SUPT5H: variants seen among roughly 807,000 people sequenced by gnomAD.
SUPT5H encodes transcription elongation factor SPT5.
SUPT5H carries 24 observed loss-of-function variants against 142.5 expected under a neutral mutation model. The observed-to-expected ratio is 0.17, with a 90% CI of 0.12 to 0.24. The LOEUF is 0.24. SUPT5H is among the 10% of genes least tolerant of loss of function. SUPT5H has a pLI of 1.00. For synonymous variants in SUPT5H, 546 were observed against 553.0 expected (o/e 0.99, Z 0.18); for missense variants, 893 against 1,471.8 (o/e 0.61, Z 6.43).
At position 39,472,715 on chromosome 19, in the gene SUPT5H, T is replaced by C; in HGVS notation, c.2036-95T>C. The C allele has an allele frequency of 1.3e-6, 2 of 1,504,036 alleles. No homozygotes were observed. Among genetic ancestry groups the C allele is most frequent in the Non-Finnish European group, 1.8e-6 (2 of 1,122,162 alleles). 93.2% of individuals were successfully genotyped at this position (1,504,036 alleles called of 1,614,324 possible). ...GGGCAGAGGAGGCTCTTAACCCAAG[T>C]AGGGAGGAGTCAAGCAAGTGAAGGG... is the stretch of plus-strand genomic sequence containing the variant. On this transcript the variant is annotated intron_variant, in intron 21 of 29. Transcript: ENST00000432763. The surrounding 1 kb of genome is among the most constrained non-coding windows in gnomAD (Gnocchi z 4.2).
In SUPT5H at chr19:39,472,646, C is replaced by T. The variant is rs1427439806; in HGVS notation, c.2035+153C>T. 6.6e-6 allele frequency among the ~76,000 whole-genome samples: 1 copy of T among 152,098 alleles called. No individual in the cohort carries two copies. Among genetic ancestry groups the T allele is most frequent in the Non-Finnish European group, 1.5e-5 (1 of 67,988 alleles). Reference sequence around the variant, plus strand: ...GGAGGGTAGACGCCACAGTGACAGCCCAGAATGGTCAGGGCTTCCATAGGA... The same window carrying T: ...GGAGGGTAGACGCCACAGTGACAGCTCAGAATGGTCAGGGCTTCCATAGGA... On this transcript the variant is annotated intron_variant, in intron 21 of 29. Coordinates refer to ENST00000432763, the MANE Select transcript of SUPT5H (RefSeq NM_001111020.3). The surrounding 1 kb of genome is among the most constrained non-coding windows in gnomAD (Gnocchi z 4.2).
chr19:39,446,332 G>T (rs1600688778), intron 2 of SUPT5H, among the ~76,000 whole-genome samples: 2 of 152,098 alleles, frequency 1.3e-5, no homozygotes, highest in South Asian at 2.1e-4. Context: ...TAAACAAAAA[G>T]ATTTTAAAAA....
chr19:39,463,309 T>C (rs73551815), intron 10 of SUPT5H, among the ~76,000 whole-genome samples: 2,366 of 152,134 alleles, frequency 0.016, 53 homozygotes, highest in African/African-American at 0.055. Flanking sequence ...GCCTTTTTTT[T>C]CTTTTAGTTG....
chr19:39,465,268 T>G (rs909555544), intron 11 of SUPT5H, among the ~76,000 whole-genome samples: 11 of 152,118 alleles, frequency 7.2e-5, no homozygotes, highest in Non-Finnish European at 1.3e-4. Flanking sequence ...TCGGAGGGCG[T>G]GAGGCATGTG....
intron 3 of SUPT5H, among the ~76,000 whole-genome samples, chr19:39,456,409 TG>T (rs111789041): frequency 0.59 from 86,135 of 146,076 alleles, 26,173 homozygotes; most frequent in African/African-American, 0.74. Context: ...TGTTTTTTTT[TG>T]TTGTTGTTGT....
intron 10 of SUPT5H, among the ~76,000 whole-genome samples, chr19:39,463,811 G>T (rs1435905497): frequency 1.3e-5 from 2 of 152,020 alleles, no homozygotes; most frequent in Non-Finnish European, 2.9e-5. Flanking sequence ...ATTAGTTTCT[G>T]CTTCATGTAT....
intron 13 of SUPT5H, chr19:39,468,258 C>G (rs1279629016): frequency 6.2e-6 from 1 of 160,370 alleles, no homozygotes; most frequent in African/African-American, 2.4e-5. Flanking sequence ...CCTGCATTCC[C>G]TCACCTGGAA....
At chr19:39,467,051 A>G in intron 13 of SUPT5H, 1 of 221,132 alleles carries the variant, frequency 4.5e-6, no homozygotes, top group Non-Finnish European at 8.9e-6. Flanking sequence ...TTAAAATAAT[A>G]ATAATAATAA....
At position 39,458,564 on chromosome 19, in the gene SUPT5H, G is replaced by A; in HGVS notation, c.320-254G>A. On this transcript the variant is annotated intron_variant, in intron 5 of 29. Transcript: ENST00000432763. This position sits in a 1 kb window ranked among gnomAD's most constrained non-coding sequence, Gnocchi z 4.2. ...GATGTGTGGGGTGGGGTGCAGTCCA[G>A]GGTGTGCCTGGACTTTGAGATGGGA... 1 of 743,942 alleles carries A rather than the reference G, an allele frequency of 1.3e-6. No individual in the cohort carries two copies. Among genetic ancestry groups the A allele is most frequent in the Non-Finnish European group, 2.2e-6 (1 of 460,758 alleles). The allele number at this position is 743,942 out of a possible 1,614,324, so 46.1% of individuals were successfully genotyped here.
chr19:39,474,722 C>T lies in SUPT5H; in HGVS notation c.3024+4C>T, dbSNP rs140094562. On this transcript the variant is annotated splice_donor_region_variant and intron_variant, in intron 28 of 29. Transcript: ENST00000432763. This position sits in a 1 kb window ranked among gnomAD's most constrained non-coding sequence, Gnocchi z 6.5. The stretch of plus-strand genomic sequence containing the variant: ...AGGTGTCATCCGCAGTGTCACGGTA[C>T]GTGGGGCCCAGGGTGGTGGGTGAGC... 49 of 1,607,236 alleles carry T rather than the reference C, an allele frequency of 3.0e-5. No homozygotes were observed. The highest frequency in any genetic ancestry group is 1.4e-4 in the East Asian group (6 of 44,422).
At chr19:39,448,306 G>A (rs1568416521) in intron 2 of SUPT5H, among the ~76,000 whole-genome samples, 1 of 152,182 alleles carries the variant, frequency 6.6e-6, no homozygotes, top group Non-Finnish European at 1.5e-5. Context: ...GTGACCTTTG[G>A]AGAGTGCCTG....
chr19:39,460,058 G>A lies in SUPT5H; in HGVS notation c.624+98G>A, dbSNP rs960590409. On this transcript the variant is annotated intron_variant, in intron 10 of 29. Transcript: ENST00000432763. ...GGGGTACCAGGTGCCTCTGTTGTGA[G>A]CAGAGCTGCCTGCTGAGTGAGCTGC... The A allele has an allele frequency of 1.3e-5, 17 of 1,276,162 alleles. No homozygotes were observed. In the African/African-American group the frequency reaches 1.9e-4, roughly 14 times the overall value. The allele number at this position is 1,276,162 out of a possible 1,614,324, so 79.1% of individuals were successfully genotyped here.
chr19:39,460,630 T>C (rs993876927), intron 10 of SUPT5H, among the ~76,000 whole-genome samples: 1 of 151,960 alleles, frequency 6.6e-6, no homozygotes, highest in African/African-American at 2.4e-5. Flanking sequence ...CCCAGCTACT[T>C]GGGAAGCTGA....
intron 20 of SUPT5H, 45 bp downstream of exon 20, chr19:39,471,775 A>G (rs1389343585): frequency 6.3e-7 from 1 of 1,586,562 alleles, no homozygotes; most frequent in Non-Finnish European, 8.6e-7. Context: ...TACCTGGCTC[A>G]GCTCTCCAAG....
In SUPT5H at chr19:39,458,833, A is replaced by G; in HGVS notation, c.335A>G (p.Asn112Ser). The G allele has an allele frequency of 6.2e-7, 1 of 1,612,920 alleles. No homozygotes were observed. The highest frequency in any genetic ancestry group is 8.5e-7 in the Non-Finnish European group (1 of 1,179,310). ...KEEIEASNID[N>S]VVLDEDRSGA... ...TATTTTTCAGCCTCCAATATCGATA[A>G]TGTTGTCCTGGATGAAGATCGTTCT... Residue 112 changes from asparagine to serine, a missense_variant, in exon 6 of 30, where the codon AAT (asparagine) becomes AGT (serine). Physicochemically the swap from Asn to Ser is conservative, Grantham distance 46. Transcript: ENST00000432763. This position sits in a 1 kb window ranked among gnomAD's most constrained non-coding sequence, Gnocchi z 4.2.
chr19:39,461,057 A>G (rs2079154375), intron 10 of SUPT5H, among the ~76,000 whole-genome samples: 1 of 151,936 alleles, frequency 6.6e-6, no homozygotes, highest in Non-Finnish European at 1.5e-5. Flanking sequence ...TGGGTGGATC[A>G]CGAGGTTAGG....
At chr19:39,455,594 G>A (rs958461800) in intron 3 of SUPT5H, among the ~76,000 whole-genome samples, 5 of 151,818 alleles carry the variant, frequency 3.3e-5, no homozygotes, top group Non-Finnish European at 7.4e-5. Flanking sequence ...TAGTGGTGGC[G>A]GGGTGGATTA....
Position 39,472,341 on chromosome 19 carries a change from G to C in SUPT5H, c.1951-68G>C. The C allele has an allele frequency of 1.3e-6, 2 of 1,500,718 alleles. No homozygotes were observed. The highest frequency in any genetic ancestry group is 1.1e-5 in the South Asian group (1 of 87,476). The allele number at this position is 1,500,718 out of a possible 1,614,324, so 93.0% of individuals were successfully genotyped here. A position where few individuals can be genotyped will look rare whatever the true frequency, so the allele number is the denominator to read the frequency against. On this transcript the variant is annotated intron_variant, in intron 20 of 29. Transcript: ENST00000432763. The surrounding 1 kb of genome is among the most constrained non-coding windows in gnomAD (Gnocchi z 4.2). ...CTCCTCAGGGCCCTGCACGTGGGAT[G>C]ATGAGTTCCTGTGGTTTGTGGTTCC...
chr19:39,466,842 GT>G lies in SUPT5H; in HGVS notation c.1037+100del. ...CTCCCCAGGGGTGGCCCCGCCACAGGTTTAGCCTGTGAATTGGTTAGCTTGG... is the reference window on the plus strand; with the variant it reads ...CTCCCCAGGGGTGGCCCCGCCACAGGTTAGCCTGTGAATTGGTTAGCTTGG... On this transcript the variant is annotated intron_variant, in intron 13 of 29. Coordinates refer to ENST00000432763, the MANE Select transcript of SUPT5H (RefSeq NM_001111020.3). The surrounding 1 kb of genome is among the most constrained non-coding windows in gnomAD (Gnocchi z 4.3). The G allele has an allele frequency of 8.4e-7, 1 of 1,189,056 alleles. No individual in the cohort carries two copies. Among genetic ancestry groups the G allele is most frequent in the Non-Finnish European group, 1.3e-6 (1 of 798,752 alleles). The allele number at this position is 1,189,056 out of a possible 1,614,324, so 73.7% of individuals were successfully genotyped here. A position where few individuals can be genotyped will look rare whatever the true frequency, so the allele number is the denominator to read the frequency against.
Sources: allele counts gnomAD v4.1 joint callset (sites outside exome capture counted in the v4.1 genomes callset), GRCh38; gene constraint gnomAD v4.1.1; non-coding constraint Gnocchi (gnomAD v3.1); transcripts MANE v1.5; gene names NCBI Gene and HGNC (gene_info 2026-07-23, HGNC 2026-07-21).